CNTN4: variants seen among roughly 807,000 people sequenced by gnomAD.
The protein encoded by CNTN4 is contactin-4.
In CNTN4, 77 loss-of-function variants were observed where a neutral mutation model predicts 122.5. The ratio of observed to expected loss-of-function variants is 0.63; its 90% CI spans 0.52 to 0.76. CNTN4 has a LOEUF of 0.76. Among genes scored for constraint, CNTN4 ranks in the 30% least tolerant of loss-of-function variants. The pLI is 0.00. For synonymous variants in CNTN4, 512 were observed against 447.0 expected (o/e 1.15, Z -1.83); for missense variants, 1,256 against 1,259.1 (o/e 1.00, Z 0.04).
At chr3:2,748,917 A>G (rs2089946494) in intron 6 of CNTN4, among the ~76,000 whole-genome samples, 1 of 152,092 alleles carries the variant, frequency 6.6e-6, no homozygotes, top group Non-Finnish European at 1.5e-5. Context: ...ATGACAAACT[A>G]TTTTTTGCAA....
At chr3:2,843,522 C>A (rs1157070773) in intron 7 of CNTN4, among the ~76,000 whole-genome samples, 2 of 152,108 alleles carry the variant, frequency 1.3e-5, no homozygotes, top group African/African-American at 2.4e-5. Flanking sequence ...TTAATTGTAA[C>A]CCCCCAATGT....
chr3:2,362,793 G>C (rs1257588883), intron 3 of CNTN4: 1 of 193,432 alleles, frequency 5.2e-6, no homozygotes, highest in Non-Finnish European at 1.1e-5. Context: ...GGATGGGAAA[G>C]AGAAAAAGGG....
At chr3:2,827,113 C>G (rs972065108) in intron 7 of CNTN4, among the ~76,000 whole-genome samples, 4 of 152,154 alleles carry the variant, frequency 2.6e-5, no homozygotes, top group African/African-American at 9.7e-5. Context: ...TGACATTTGC[C>G]TGGCTGGGTC....
intron 3 of CNTN4, among the ~76,000 whole-genome samples, chr3:2,427,650 C>CTTGACTCTTTATCCAATTTGCCAGTCTG: frequency 1.4e-4 from 21 of 152,028 alleles, no homozygotes; most frequent in African/African-American, 5.1e-4. Context: ...CCTCATGGAT[C>CTTGACTCTTTATCCAATTTGCCAGTCTG]TGTCTAATAT....
chr3:2,730,377 T>A (rs1202345261), intron 4 of CNTN4, among the ~76,000 whole-genome samples: 1 of 152,180 alleles, frequency 6.6e-6, no homozygotes, highest in African/African-American at 2.4e-5. Context: ...ACATTTCAGA[T>A]TTTGGATTTT....
chr3:2,647,422 ATAAGTAACC>A (rs2083179890), intron 4 of CNTN4, among the ~76,000 whole-genome samples: 2 of 148,036 alleles, frequency 1.4e-5, no homozygotes, highest in African/African-American at 4.9e-5. Flanking sequence ...AATAAATAGC[ATAAGTAACC>A]TATGCCTTAT....
intron 6 of CNTN4, among the ~76,000 whole-genome samples, chr3:2,786,162 G>A (rs2091817977): frequency 6.6e-6 from 1 of 151,908 alleles, no homozygotes; most frequent in South Asian, 2.1e-4. Flanking sequence ...GGCAGTAAAA[G>A]CCTCCACATT....
chr3:2,191,698 A>G (rs2037555528), intron 2 of CNTN4, among the ~76,000 whole-genome samples: 1 of 30,550 alleles, frequency 3.3e-5, no homozygotes, highest in Non-Finnish European at 8.3e-5. Flanking sequence ...TTCTATGTAT[A>G]TATATATATA....
chr3:2,879,840 G>C (rs959390532), intron 8 of CNTN4, among the ~76,000 whole-genome samples: 1 of 152,076 alleles, frequency 6.6e-6, no homozygotes, highest in African/African-American at 2.4e-5. Flanking sequence ...GCACTTTTTA[G>C]TATGTAAATT....
intron 2 of CNTN4, among the ~76,000 whole-genome samples, chr3:2,307,872 G>A (rs913947404): frequency 7.9e-5 from 12 of 152,066 alleles, no homozygotes; most frequent in Non-Finnish European, 1.6e-4. Flanking sequence ...TTCATAAGGA[G>A]TATTAATTTG....
chr3:2,413,106 A>G (rs535144881), intron 3 of CNTN4, among the ~76,000 whole-genome samples: 2 of 152,266 alleles, frequency 1.3e-5, no homozygotes, highest in African/African-American at 4.8e-5. Flanking sequence ...AAAATGTACT[A>G]TGTAGATTAG....
chr3:2,588,635 G>C (rs1294914494), intron 4 of CNTN4, among the ~76,000 whole-genome samples: 1 of 152,002 alleles, frequency 6.6e-6, no homozygotes, highest in African/African-American at 2.4e-5. Context: ...AAAGTGCTAG[G>C]ATTACAGGTG....
chr3:3,034,622 T>C lies in CNTN4; in HGVS notation c.1784-10T>C. On this transcript the variant is annotated splice_polypyrimidine_tract_variant and intron_variant, in intron 16 of 24. Transcript: ENST00000418658. ...ACTGCTCCAATTCTGGGGGTCTTGC[T>C]CTTTCCCAGGTCCTCCAGGTCCCCC... The C allele has an allele frequency of 1.9e-6, 3 of 1,614,126 alleles. No individual in the cohort carries two copies. The highest frequency in any genetic ancestry group is 2.5e-6 in the Non-Finnish European group (3 of 1,179,990).
chr3:2,705,847 TATA>T (rs1287164448), intron 4 of CNTN4, among the ~76,000 whole-genome samples: 2 of 102,054 alleles, frequency 2.0e-5, no homozygotes, highest in Non-Finnish European at 3.5e-5. Flanking sequence ...ATATATAATA[TATA>T]ATATATGTGT....
intron 2 of CNTN4, among the ~76,000 whole-genome samples, chr3:2,206,893 T>TAA (rs60265436): frequency 8.4e-5 from 12 of 143,422 alleles, no homozygotes; most frequent in East Asian, 2.0e-4. Context: ...TTTTTTTTTT[T>TAA]AAAGAATTTT....
chr3:2,660,824 C>T (rs1048845165), intron 4 of CNTN4, among the ~76,000 whole-genome samples: 2 of 152,190 alleles, frequency 1.3e-5, no homozygotes, highest in African/African-American at 2.4e-5. Flanking sequence ...ATGCCCAGCA[C>T]GTCAGAGCAG....
chr3:2,135,678 A>C (rs1240396505), intron 2 of CNTN4, among the ~76,000 whole-genome samples: 2 of 151,568 alleles, frequency 1.3e-5, no homozygotes, highest in African/African-American at 2.4e-5. Context: ...AATGCAGATG[A>C]AGGGGTGCTA....
intron 2 of CNTN4, among the ~76,000 whole-genome samples, chr3:2,234,935 A>C (rs1361318632): frequency 2.0e-5 from 3 of 152,148 alleles, no homozygotes; most frequent in Non-Finnish European, 4.4e-5. Context: ...GCTTTGACAA[A>C]ATCTGTTTAC....
chr3:2,461,349 A>G (rs1344248768), intron 3 of CNTN4, among the ~76,000 whole-genome samples: 1 of 150,926 alleles, frequency 6.6e-6, no homozygotes, highest in African/African-American at 2.5e-5. Flanking sequence ...TTATTAATTA[A>G]TTAGTTAACA....
Sources: allele counts gnomAD v4.1 joint callset (sites outside exome capture counted in the v4.1 genomes callset), GRCh38; gene constraint gnomAD v4.1.1; transcripts MANE v1.5; gene names NCBI Gene and HGNC (gene_info 2026-07-23, HGNC 2026-07-21).